SULF1: variants seen among roughly 807,000 people sequenced by gnomAD.
SULF1 encodes the protein extracellular sulfatase Sulf-1.
A neutral mutation model predicts 110.5 loss-of-function variants in SULF1; 46 were observed. The ratio of observed to expected loss-of-function variants is 0.42; its 90% CI spans 0.33 to 0.53. SULF1 has a LOEUF of 0.53. Ranked by LOEUF, SULF1 falls within the 20% of genes least tolerant of loss-of-function variation. The probability of loss-of-function intolerance (pLI) is 0.12; values close to 1 mark genes in which losing one functional copy is unlikely to be tolerated. For missense variants in SULF1, 941 were observed against 1,094.2 expected (o/e 0.86, Z 1.98); for synonymous variants, 371 against 387.1 (o/e 0.96, Z 0.49).
chr8:69,640,136 AAG>A (rs1261607480), intron 21 of SULF1, among the ~76,000 whole-genome samples: 5 of 151,258 alleles, frequency 3.3e-5, no homozygotes, highest in African/African-American at 1.2e-4. Context: ...AGGAAGAAGG[AAG>A]GAAGGAAGGA....
chr8:69,604,484 G>A (rs1043523712), intron 12 of SULF1, among the ~76,000 whole-genome samples: 1 of 152,178 alleles, frequency 6.6e-6, no homozygotes, highest in Non-Finnish European at 1.5e-5. Flanking sequence ...AATTAGGAGA[G>A]AGAAAATATT....
chr8:69,548,470 G>C (rs559817033), intron 3 of SULF1, among the ~76,000 whole-genome samples: 1 of 148,882 alleles, frequency 6.7e-6, no homozygotes, highest in South Asian at 2.1e-4. Flanking sequence ...TTTTTTGATG[G>C]AGTCTCACTC....
At chr8:69,517,158 G>A (rs1811981992) in intron 3 of SULF1, among the ~76,000 whole-genome samples, 1 of 152,168 alleles carries the variant, frequency 6.6e-6, no homozygotes, top group African/African-American at 2.4e-5. Flanking sequence ...GCAGAAGGGT[G>A]GAAGGGCAAG....
intron 3 of SULF1, among the ~76,000 whole-genome samples, chr8:69,512,972 T>C (rs1489967415): frequency 6.6e-6 from 1 of 152,238 alleles, no homozygotes; most frequent in Non-Finnish European, 1.5e-5. Flanking sequence ...TGACCTCTTA[T>C]GGACTTTATA....
intron 3 of SULF1, among the ~76,000 whole-genome samples, chr8:69,508,130 A>G (rs1811320351): frequency 6.8e-6 from 1 of 147,468 alleles, no homozygotes; most frequent in African/African-American, 2.5e-5. Context: ...TTTGAGATGG[A>G]GTTTTGCTCT....
intron 13 of SULF1, 46 bp from the exon 14 acceptor site, chr8:69,620,989 C>A (rs1158298237): frequency 2.7e-6 from 4 of 1,492,914 alleles, no homozygotes; most frequent in Non-Finnish European, 3.6e-6. Context: ...TAATAAATAA[C>A]ACCTGGAGCA....
In SULF1 at chr8:69,538,049, C is replaced by G. The variant is rs563583164; in HGVS notation, c.-133-25490C>G. Among the ~76,000 whole-genome samples, 354 of 151,912 alleles carry G rather than the reference C, an allele frequency of 2.3e-3. 1 individual carries two copies. The highest frequency in any genetic ancestry group is 7.9e-3 in the African/African-American group (327 of 41,482). ...CATCTCGGCTCACTGCAGGCTCCGC[C>G]CCCCGGGGTTCACGCCATTCCCCTG... On this transcript the variant is annotated intron_variant, in intron 3 of 22. Transcript: ENST00000402687.
At chr8:69,476,419 T>G (rs1439479786) in intron 1 of SULF1, among the ~76,000 whole-genome samples, 1 of 152,192 alleles carries the variant, frequency 6.6e-6, no homozygotes. Context: ...TATAGATTTC[T>G]TAGAAGTAGA....
intron 19 of SULF1, 197 bp from the exon 20 acceptor site, chr8:69,638,305 T>A: frequency 3.2e-6 from 2 of 632,082 alleles, no homozygotes; most frequent in South Asian, 4.1e-5. Flanking sequence ...CTATCTTTTT[T>A]CCCATTTTCA....
intron 3 of SULF1, among the ~76,000 whole-genome samples, chr8:69,538,317 G>T: frequency 1.5e-5 from 2 of 129,042 alleles, no homozygotes; most frequent in African/African-American, 3.0e-5. Flanking sequence ...TCAGACACAT[G>T]CTTCTCATCC....
In SULF1 at chr8:69,545,313, G is replaced by A. The variant is rs544083399; in HGVS notation, c.-133-18226G>A. Among the ~76,000 whole-genome samples, 11 of 152,214 alleles carry A rather than the reference G, an allele frequency of 7.2e-5. No homozygotes were observed. In the South Asian group the frequency reaches 1.0e-3, roughly 14 times the overall value. ...CTCTTCTGGTCTGACGTTAAAGGCC[G>A]TGTTGTCCTAACATTTTAAATCTAG... On this transcript the variant is annotated intron_variant, in intron 3 of 22. Coordinates refer to ENST00000402687, the MANE Select transcript of SULF1 (RefSeq NM_001128205.2).
chr8:69,545,085 CT>C (rs56914726), intron 3 of SULF1, among the ~76,000 whole-genome samples: 7,668 of 134,892 alleles, frequency 0.057, 316 homozygotes, highest in African/African-American at 0.13. Context: ...TAAAGGAATT[CT>C]TTTTTTTTTT....
At chr8:69,521,840 G>GT (rs1347187913) in intron 3 of SULF1, among the ~76,000 whole-genome samples, 2 of 143,690 alleles carry the variant, frequency 1.4e-5, no homozygotes, top group African/African-American at 2.6e-5. Flanking sequence ...ATGGGCCAAG[G>GT]TAAAAAAAAA....
intron 3 of SULF1, among the ~76,000 whole-genome samples, chr8:69,540,250 A>G (rs1486549314): frequency 3.3e-5 from 5 of 152,202 alleles, no homozygotes; most frequent in African/African-American, 1.2e-4. Context: ...TAAAGACACT[A>G]ATAAGACCCT....
chr8:69,587,138 A>G (rs1806523084), intron 7 of SULF1, among the ~76,000 whole-genome samples: 1 of 152,220 alleles, frequency 6.6e-6, no homozygotes, highest in Non-Finnish European at 1.5e-5. Context: ...GTTTTGACTT[A>G]AAAATTCACA....
intron 18 of SULF1, among the ~76,000 whole-genome samples, chr8:69,629,179 G>C (rs1057506973): frequency 2.0e-5 from 3 of 152,044 alleles, no homozygotes; most frequent in African/African-American, 7.3e-5. Flanking sequence ...GACTACAGGT[G>C]TGCGCCACCA....
intron 21 of SULF1, among the ~76,000 whole-genome samples, chr8:69,639,454 T>C (rs1342219030): frequency 6.6e-6 from 1 of 152,260 alleles, no homozygotes; most frequent in Non-Finnish European, 1.5e-5. Flanking sequence ...TGTGTTAAAC[T>C]GGCTTATTTC....
intron 8 of SULF1, among the ~76,000 whole-genome samples, chr8:69,592,619 T>G (rs773067155): frequency 6.6e-6 from 1 of 152,156 alleles, no homozygotes; most frequent in African/African-American, 2.4e-5. Context: ...TACTAACACC[T>G]TGATGTGATG....
rs1231647157 is a variant in SULF1, at chr8:69,554,993, AAAAAAC to A, written c.-133-8540_-133-8535del. Among the ~76,000 whole-genome samples, 415 of 88,250 alleles carry A rather than the reference AAAAAAC, an allele frequency of 4.7e-3. 20 individuals carry two copies. The highest frequency in any genetic ancestry group is 0.022 in the African/African-American group (386 of 17,852). The allele number at this position is 88,250 out of a possible 152,430, so 57.9% of individuals were successfully genotyped here. On this transcript the variant is annotated intron_variant, in intron 3 of 22. Coordinates refer to ENST00000402687, the MANE Select transcript of SULF1 (RefSeq NM_001128205.2). ...GATTCCATCTCAAAAAAAAAAAAAA[AAAAAAC>A]AAAAAAAAAAAACTTCATACATAAA... is the stretch of plus-strand genomic sequence containing the variant.
Sources: allele counts gnomAD v4.1 joint callset (sites outside exome capture counted in the v4.1 genomes callset), GRCh38; gene constraint gnomAD v4.1.1; transcripts MANE v1.5; gene names NCBI Gene and HGNC (gene_info 2026-07-23, HGNC 2026-07-21).